SUPT3H: variants seen among roughly 807,000 people sequenced by gnomAD.
The protein encoded by SUPT3H is SPT3 homolog, SAGA and STAGA complex component, also known as transcription initiation protein SPT3 homolog.
A neutral mutation model predicts 44.3 loss-of-function variants in SUPT3H; 44 were observed. That is an observed-to-expected ratio of 0.99 (90% confidence interval 0.78 to 1.28). The LOEUF (loss-of-function observed/expected upper bound fraction) is 1.28, where lower values mean the gene tolerates loss of function less well. Ranked by LOEUF, SUPT3H falls within the 50% of genes most tolerant of loss-of-function variation. The probability of loss-of-function intolerance (pLI) is 0.00; values close to 1 mark genes in which losing one functional copy is unlikely to be tolerated. For synonymous variants in SUPT3H, 124 were observed against 125.6 expected, an observed-to-expected ratio of 0.99 and a Z score of 0.09; for missense variants, 380 against 387.1, an observed-to-expected ratio of 0.98 and a Z score of 0.15.
At chr6:45,127,640 T>G (rs1348006303) in intron 2 of SUPT3H, among the ~76,000 whole-genome samples, 2 of 152,200 alleles carry the variant, frequency 1.3e-5, no homozygotes, top group Non-Finnish European at 2.9e-5. Context: ...GTTTATCTGT[T>G]TTTTGATGTT....
intron 10 of SUPT3H, among the ~76,000 whole-genome samples, chr6:44,847,489 AT>A (rs201785834): frequency 0.056 from 8,021 of 143,434 alleles, 192 homozygotes; most frequent in Non-Finnish European, 0.065. Context: ...TTATGGGAAG[AT>A]TTTTTTTTTT....
intron 2 of SUPT3H, among the ~76,000 whole-genome samples, chr6:45,301,611 T>C (rs1415259242): frequency 2.0e-5 from 3 of 152,154 alleles, no homozygotes; most frequent in Non-Finnish European, 2.9e-5. Flanking sequence ...TTTATGTCCC[T>C]AAAAATCCTG....
intron 2 of SUPT3H, among the ~76,000 whole-genome samples, chr6:45,284,498 A>T (rs950627261): frequency 6.6e-6 from 1 of 152,228 alleles, no homozygotes; most frequent in Non-Finnish European, 1.5e-5. Context: ...ATCTAGAAGA[A>T]ATGGATAAAT....
At chr6:45,373,781 G>A (rs1796416221) in intron 1 of SUPT3H, among the ~76,000 whole-genome samples, 1 of 152,120 alleles carries the variant, frequency 6.6e-6, no homozygotes, top group Non-Finnish European at 1.5e-5. Context: ...TCCAACTCCT[G>A]ACATCAAGTG....
intron 1 of SUPT3H, among the ~76,000 whole-genome samples, chr6:45,373,469 GT>G (rs1380427795): frequency 6.6e-6 from 1 of 152,164 alleles, no homozygotes; most frequent in Non-Finnish European, 1.5e-5. Context: ...CTTAGCAGTA[GT>G]ATGGGGTTGT....
intron 2 of SUPT3H, among the ~76,000 whole-genome samples, chr6:45,176,080 G>T (rs1192231103): frequency 1.3e-5 from 2 of 152,258 alleles, no homozygotes; most frequent in East Asian, 3.9e-4. Context: ...AGCCAAGATG[G>T]CCGAATAGGA....
chr6:44,998,478 C>A (rs573309711), intron 6 of SUPT3H, among the ~76,000 whole-genome samples: 1 of 151,790 alleles, frequency 6.6e-6, no homozygotes, highest in Non-Finnish European at 1.5e-5. Context: ...AAAGTAATTG[C>A]GGTTTTTGCC....
At chr6:45,185,921 A>G (rs1814131902) in intron 2 of SUPT3H, among the ~76,000 whole-genome samples, 1 of 152,196 alleles carries the variant, frequency 6.6e-6, no homozygotes, top group African/African-American at 2.4e-5. Flanking sequence ...CCCACTTTGT[A>G]CCAATGAAGC....
Position 45,198,859 on chromosome 6 carries a change from T to C in SUPT3H, c.102-92853A>G, listed in dbSNP as rs532113211. On this transcript the variant is annotated intron_variant, in intron 2 of 10. Coordinates refer to ENST00000371459, the MANE Select transcript of SUPT3H (RefSeq NM_003599.4). ...AAATGTACTAACTTCTAATCATATC[T>C]GTTATTTTAAGCTTTGAATAATATG... Among the ~76,000 whole-genome samples, 86 of 151,446 alleles carry C rather than the reference T, an allele frequency of 5.7e-4. No homozygotes were observed. In the South Asian group the frequency reaches 0.017, roughly 30 times the overall value.
At chr6:45,300,305 C>CAA (rs1781947738) in intron 2 of SUPT3H, among the ~76,000 whole-genome samples, 1 of 152,046 alleles carries the variant, frequency 6.6e-6, no homozygotes, top group Admixed American at 6.6e-5. Flanking sequence ...TGTAATACGC[C>CAA]AAAAGTTTTC....
intron 2 of SUPT3H, among the ~76,000 whole-genome samples, chr6:45,167,733 T>G (rs1422211438): frequency 6.6e-6 from 1 of 152,074 alleles, no homozygotes; most frequent in Admixed American, 6.5e-5. Flanking sequence ...AATATTTACT[T>G]AACTTTGATG....
At chr6:44,900,216 G>C in intron 10 of SUPT3H, among the ~76,000 whole-genome samples, 1 of 152,208 alleles carries the variant, frequency 6.6e-6, no homozygotes, top group East Asian at 1.9e-4. Context: ...AGCTGAAGTA[G>C]GGCAAGGCAT....
rs1248931778 is a variant in SUPT3H at position 44,890,525 on chromosome 6, C to T, written c.912+42128G>A. Among the ~76,000 whole-genome samples the T allele has an allele frequency of 3.1e-4, 46 of 146,674 alleles. 2 individuals are homozygous for T. The highest frequency in any genetic ancestry group is 1.8e-3 in the Admixed American group (25 of 14,182). On this transcript the variant is annotated intron_variant, in intron 10 of 10. Transcript: ENST00000371459. ...ATCGCCAGAACAAAAAACCAGACACCGCATATTCTCACTCATAGGTGGGAA... is the reference window on the plus strand; with the variant it reads ...ATCGCCAGAACAAAAAACCAGACACTGCATATTCTCACTCATAGGTGGGAA...
intron 10 of SUPT3H, among the ~76,000 whole-genome samples, chr6:44,928,957 T>C (rs920313058): frequency 1.3e-5 from 2 of 150,050 alleles, no homozygotes; most frequent in Non-Finnish European, 3.0e-5. Flanking sequence ...AAGAGAGTAC[T>C]GTTGTTAACC....
intron 2 of SUPT3H, among the ~76,000 whole-genome samples, chr6:45,179,727 G>A (rs557388981): frequency 3.3e-5 from 5 of 152,088 alleles, no homozygotes; most frequent in Non-Finnish European, 5.9e-5. Flanking sequence ...TTTCAAAATA[G>A]TAAGAGCTAT....
chr6:45,162,954 G>A (rs1809269023), intron 2 of SUPT3H, among the ~76,000 whole-genome samples: 1 of 152,158 alleles, frequency 6.6e-6, no homozygotes, highest in African/African-American at 2.4e-5. Context: ...CATCCCTGGA[G>A]ATCTGTAGGG....
At chr6:45,007,045 C>G (rs1489745806) in intron 5 of SUPT3H, among the ~76,000 whole-genome samples, 2 of 152,144 alleles carry the variant, frequency 1.3e-5, no homozygotes, top group Non-Finnish European at 2.9e-5. Flanking sequence ...GCACTATAGA[C>G]AGATATCTTA....
In SUPT3H at chr6:45,312,689, G is replaced by T. The variant is rs369820995; in HGVS notation, c.101+52512C>A. On this transcript the variant is annotated intron_variant, in intron 2 of 10. Transcript: ENST00000371459. ...GACAGCAACACAATAATGTGGGGGG[G>T]GGGGGGGACTTCAATACTCCACTGA... is the stretch of plus-strand genomic sequence containing the variant. Among the ~76,000 whole-genome samples, 64 of 136,604 alleles carry T rather than the reference G, an allele frequency of 4.7e-4. 1 individual carries two copies. The highest frequency in any genetic ancestry group is 3.0e-3 in the East Asian group (13 of 4,280). 89.6% of individuals were successfully genotyped at this position (136,604 alleles called of 152,430 possible). A position where few individuals can be genotyped will look rare whatever the true frequency, so the allele number is the denominator to read the frequency against.
At chr6:44,834,163 G>A (rs970727281) in intron 10 of SUPT3H, among the ~76,000 whole-genome samples, 9 of 152,252 alleles carry the variant, frequency 5.9e-5, no homozygotes, top group African/African-American at 1.7e-4. Context: ...AGTGAGAGCT[G>A]AGAACAGTGG....
Sources: allele counts gnomAD v4.1 joint callset (sites outside exome capture counted in the v4.1 genomes callset), GRCh38; gene constraint gnomAD v4.1.1; transcripts MANE v1.5; gene names NCBI Gene and HGNC (gene_info 2026-07-23, HGNC 2026-07-21).